Variants in MACROD2 observed in about 807,000 individuals in gnomAD.
The protein encoded by MACROD2 is ADP-ribose glycohydrolase MACROD2.
A neutral mutation model predicts 70.4 loss-of-function variants in MACROD2; 36 were observed. That is an observed-to-expected ratio of 0.51 (90% CI 0.39 to 0.68). The LOEUF (loss-of-function observed/expected upper bound fraction) is 0.68, where lower values mean the gene tolerates loss of function less well. Ranked by LOEUF, MACROD2 falls within the 30% of genes least tolerant of loss-of-function variation. MACROD2 has a pLI of 0.00. For missense variants in MACROD2, 496 were observed against 538.4 expected (o/e 0.92, Z 0.78); for synonymous variants, 172 against 178.8 (o/e 0.96, Z 0.30).
chr20:14,842,027 T>C (rs2098269373), intron 5 of MACROD2, among the ~76,000 whole-genome samples: 1 of 151,960 alleles, frequency 6.6e-6, no homozygotes, highest in African/African-American at 2.4e-5. Context: ...GTTTTTTGTT[T>C]GTTTGTTTGT....
chr20:15,208,655 G>T (rs531450206), intron 5 of MACROD2, among the ~76,000 whole-genome samples: 1 of 152,270 alleles, frequency 6.6e-6, no homozygotes, highest in East Asian at 1.9e-4. Context: ...ACACTCCAGG[G>T]AGGCAGGGGT....
intron 5 of MACROD2, among the ~76,000 whole-genome samples, chr20:14,940,561 G>A (rs1370658130): frequency 6.6e-6 from 1 of 152,088 alleles, no homozygotes; most frequent in East Asian, 1.9e-4. Context: ...TTATTATTTT[G>A]AGGTATGTTC....
At chr20:14,425,406 C>T (rs2083922000) in intron 3 of MACROD2, among the ~76,000 whole-genome samples, 1 of 152,166 alleles carries the variant, frequency 6.6e-6, no homozygotes, top group South Asian at 2.1e-4. Flanking sequence ...TAGCTCTGTT[C>T]AGTGTTTGCA....
At chr20:15,541,355 T>C (rs919901328) in intron 8 of MACROD2, among the ~76,000 whole-genome samples, 2 of 152,122 alleles carry the variant, frequency 1.3e-5, no homozygotes, top group African/African-American at 4.8e-5. Context: ...GAAATTTAGA[T>C]ATTGCCTGGA....
chr20:14,033,458 G>T (rs2053270123), intron 2 of MACROD2, among the ~76,000 whole-genome samples: 1 of 151,834 alleles, frequency 6.6e-6, no homozygotes, highest in African/African-American at 2.4e-5. Flanking sequence ...TCTATTCATA[G>T]AATATTCATA....
chr20:15,095,238 G>A (rs1346063435), intron 5 of MACROD2, among the ~76,000 whole-genome samples: 15 of 151,212 alleles, frequency 9.9e-5, no homozygotes, highest in African/African-American at 3.4e-4. Context: ...CACCACACCC[G>A]GCAATTTTTT....
intron 2 of MACROD2, among the ~76,000 whole-genome samples, chr20:14,043,432 T>C (rs1012250371): frequency 6.6e-6 from 1 of 152,208 alleles, no homozygotes; most frequent in African/African-American, 2.4e-5. Context: ...CTGCCTTCTC[T>C]GAGTGTGCCA....
At chr20:14,862,646 T>TATATAA (rs1555840106) in intron 5 of MACROD2, among the ~76,000 whole-genome samples, 132 of 4,768 alleles carry the variant, frequency 0.028, 6 homozygotes, top group African/African-American at 0.04. Flanking sequence ...TATATAAATA[T>TATATAA]ATATATATAA....
chr20:15,546,356 C>A (rs2048026292), intron 8 of MACROD2, among the ~76,000 whole-genome samples: 1 of 152,198 alleles, frequency 6.6e-6, no homozygotes, highest in Non-Finnish European at 1.5e-5. Context: ...TTCCTCTCAA[C>A]AACCCCAGCA....
At chr20:14,578,415 T>C (rs1184955512) in intron 4 of MACROD2, among the ~76,000 whole-genome samples, 1 of 152,118 alleles carries the variant, frequency 6.6e-6, no homozygotes, top group Non-Finnish European at 1.5e-5. Flanking sequence ...TTTTAGTGTT[T>C]CATTTAAGGG....
chr20:15,239,658 A>G (rs980690459), intron 6 of MACROD2, among the ~76,000 whole-genome samples: 7 of 152,204 alleles, frequency 4.6e-5, no homozygotes, highest in African/African-American at 1.7e-4. Context: ...TGCTCCCAGT[A>G]TACTAGCAGG....
chr20:14,091,140 G>A (rs2054143200), intron 3 of MACROD2, among the ~76,000 whole-genome samples: 1 of 151,930 alleles, frequency 6.6e-6, no homozygotes, highest in Non-Finnish European at 1.5e-5. Context: ...ATATATTTTG[G>A]CTATTAATTC....
intron 5 of MACROD2, among the ~76,000 whole-genome samples, chr20:14,868,935 T>C (rs2073457665): frequency 6.6e-6 from 1 of 152,130 alleles, no homozygotes; most frequent in Non-Finnish European, 1.5e-5. Flanking sequence ...CTATCGTTGA[T>C]ACAGGACCAG....
intron 5 of MACROD2, among the ~76,000 whole-genome samples, chr20:14,719,458 T>C (rs922996905): frequency 9.6e-5 from 9 of 93,602 alleles, no homozygotes; most frequent in Non-Finnish European, 1.6e-4. Context: ...CTATCAGGAA[T>C]AGGCAAGATA....
intron 5 of MACROD2, among the ~76,000 whole-genome samples, chr20:15,096,649 C>T (rs977275905): frequency 2.0e-4 from 30 of 150,608 alleles, no homozygotes; most frequent in Non-Finnish European, 3.4e-4. Flanking sequence ...GTAGCTGAGA[C>T]TATAGATGTG....
At chr20:15,764,711 C>T (rs139755704) in intron 8 of MACROD2, among the ~76,000 whole-genome samples, 246 of 152,262 alleles carry the variant, frequency 1.6e-3, no homozygotes, top group Non-Finnish European at 2.7e-3. Context: ...CCTGATTTGA[C>T]TCTTTCCCCT....
intron 8 of MACROD2, among the ~76,000 whole-genome samples, chr20:15,521,444 G>A (rs2047652093): frequency 6.6e-6 from 1 of 152,186 alleles, no homozygotes; most frequent in Non-Finnish European, 1.5e-5. Context: ...CAATGAAGTT[G>A]TTTTAAGCTT....
chr20:14,586,553 C>A (rs766372408), intron 4 of MACROD2, among the ~76,000 whole-genome samples: 1 of 151,958 alleles, frequency 6.6e-6, no homozygotes, highest in Non-Finnish European at 1.5e-5. Context: ...CATAGAATAC[C>A]AATCTGGCTT....
chr20:14,650,092 C>T (rs979810067), intron 4 of MACROD2, among the ~76,000 whole-genome samples: 1 of 152,146 alleles, frequency 6.6e-6, no homozygotes, highest in African/African-American at 2.4e-5. Flanking sequence ...CTAGACTTAA[C>T]ACATCCTACT....
Sources: allele counts gnomAD v4.1 joint callset (sites outside exome capture counted in the v4.1 genomes callset), GRCh38; gene constraint gnomAD v4.1.1; transcripts MANE v1.5; gene names NCBI Gene and HGNC (gene_info 2026-07-23, HGNC 2026-07-21).